PRKN: variants seen among roughly 807,000 people sequenced by gnomAD.
PRKN encodes the protein parkin RBR E3 ubiquitin protein ligase, also known as E3 ubiquitin-protein ligase parkin.
PRKN carries 56 observed loss-of-function variants against 59.5 expected under a neutral mutation model. The ratio of observed to expected loss-of-function variants is 0.94; its 90% CI spans 0.76 to 1.18. The LOEUF is 1.18. PRKN is among the 50% of genes most tolerant of loss of function. The probability of loss-of-function intolerance (pLI) is 0.00; values close to 1 mark genes in which losing one functional copy is unlikely to be tolerated. For synonymous variants in PRKN, 250 were observed against 222.1 expected, an observed-to-expected ratio of 1.13 and a Z score of -1.12; for missense variants, 657 against 596.4, an observed-to-expected ratio of 1.10 and a Z score of -1.06.
At chr6:162,651,285 T>G (rs1448104624) in intron 1 of PRKN, among the ~76,000 whole-genome samples, 1 of 152,224 alleles carries the variant, frequency 6.6e-6, no homozygotes, top group East Asian at 1.9e-4. Flanking sequence ...TACATTTTGA[T>G]GTACATCTTC....
chr6:162,460,448 T>C (rs1349030806), intron 1 of PRKN, among the ~76,000 whole-genome samples: 3 of 152,238 alleles, frequency 2.0e-5, no homozygotes, highest in Non-Finnish European at 4.4e-5. Context: ...ACTGTGGTGA[T>C]GGTTACAAAA....
intron 7 of PRKN, among the ~76,000 whole-genome samples, chr6:161,631,134 C>A (rs962578762): frequency 2.6e-5 from 4 of 152,164 alleles, no homozygotes; most frequent in African/African-American, 9.7e-5. Context: ...GGGGTGAGTA[C>A]ATCAGAATAA....
intron 5 of PRKN, among the ~76,000 whole-genome samples, chr6:162,029,750 T>C (rs901540049): frequency 2.6e-5 from 4 of 152,230 alleles, no homozygotes; most frequent in South Asian, 4.1e-4. Context: ...GTTGTTATCA[T>C]TGGAAGGTGT....
intron 1 of PRKN, among the ~76,000 whole-genome samples, chr6:162,457,146 G>T (rs956356838): frequency 1.3e-5 from 2 of 152,114 alleles, no homozygotes; most frequent in Non-Finnish European, 2.9e-5. Context: ...TACTGATTTT[G>T]GGGCAAGGAA....
intron 7 of PRKN, among the ~76,000 whole-genome samples, chr6:161,753,384 A>G (rs1788775509): frequency 1.3e-5 from 2 of 152,156 alleles, no homozygotes; most frequent in Non-Finnish European, 2.9e-5. Flanking sequence ...TGTCTTATCC[A>G]GTGGAATATC....
chr6:162,663,683 G>T (rs553218199), intron 1 of PRKN, among the ~76,000 whole-genome samples: 1 of 152,132 alleles, frequency 6.6e-6, no homozygotes, highest in African/African-American at 2.4e-5. Flanking sequence ...TTAGATTGGG[G>T]ATTAAGTGGG....
At chr6:162,204,683 A>G (rs1784859049) in intron 3 of PRKN, among the ~76,000 whole-genome samples, 1 of 151,206 alleles carries the variant, frequency 6.6e-6, no homozygotes, top group South Asian at 2.1e-4. Flanking sequence ...GATTTTGCAA[A>G]TAAAGTATGT....
chr6:161,447,955 T>C lies in PRKN; in HGVS notation c.1084-61078A>G, dbSNP rs1324116411. 6.6e-6 allele frequency among the ~76,000 whole-genome samples: 1 copy of C among 152,186 alleles called. No individual in the cohort carries two copies. The highest frequency in any genetic ancestry group is 1.5e-5 in the Non-Finnish European group (1 of 68,034). On this transcript the variant is annotated intron_variant, in intron 9 of 11. Coordinates refer to ENST00000366898, the MANE Select transcript of PRKN (RefSeq NM_004562.3). The surrounding 1 kb of genome is among the most constrained non-coding windows in gnomAD (Gnocchi z 4.1). ...TGCGTGACCACTGCTTCCTGATTTT[T>C]GTGTTGAGATCTTAGACCTTAACCA...
chr6:162,061,313 T>C (rs906894901), intron 4 of PRKN, among the ~76,000 whole-genome samples: 26 of 152,216 alleles, frequency 1.7e-4, no homozygotes, highest in Admixed American at 1.3e-3. Context: ...TGCTGGCACA[T>C]AGAGAGTTAA....
At chr6:161,828,269 C>T (rs117900828) in intron 6 of PRKN, among the ~76,000 whole-genome samples, 1 of 152,194 alleles carries the variant, frequency 6.6e-6, no homozygotes, top group African/African-American at 2.4e-5. Flanking sequence ...AACTATTTAG[C>T]TTAATAATTT....
chr6:162,213,321 G>A (rs923507153), intron 3 of PRKN, among the ~76,000 whole-genome samples: 1 of 152,132 alleles, frequency 6.6e-6, no homozygotes, highest in African/African-American at 2.4e-5. Context: ...ATCAAGACAA[G>A]CCTCCCTTTA....
At chr6:162,649,491 C>T (rs1444380211) in intron 1 of PRKN, among the ~76,000 whole-genome samples, 2 of 152,116 alleles carry the variant, frequency 1.3e-5, no homozygotes, top group South Asian at 2.1e-4. Context: ...CTCCCCCACA[C>T]GACCATGCAT....
Position 161,377,508 on chromosome 6 carries a change from C to T in PRKN, c.1167+9286G>A, listed in dbSNP as rs1002539655. On this transcript the variant is annotated intron_variant, in intron 10 of 11. Transcript: ENST00000366898. This position sits in a 1 kb window ranked among gnomAD's most constrained non-coding sequence, Gnocchi z 4.2. Reference sequence around the variant, plus strand: ...CGGCTGCAAGCCAAAAATGCACTGTCGCTATCCTGTAATCCTCTTTAGGGT... The same window carrying T: ...CGGCTGCAAGCCAAAAATGCACTGTTGCTATCCTGTAATCCTCTTTAGGGT... 3.9e-5 allele frequency among the ~76,000 whole-genome samples: 6 copies of T among 152,214 alleles called. No individual in the cohort carries two copies. Among genetic ancestry groups the T allele is most frequent in the Admixed American group, 6.5e-5 (1 of 15,280 alleles).
chr6:161,608,058 G>T (rs1782348080), intron 7 of PRKN, among the ~76,000 whole-genome samples: 2 of 152,162 alleles, frequency 1.3e-5, no homozygotes, highest in Non-Finnish European at 2.9e-5. Context: ...AGAAAAATCA[G>T]TGCAGAATAA....
chr6:161,612,086 A>G (rs948021696), intron 7 of PRKN, among the ~76,000 whole-genome samples: 1 of 152,238 alleles, frequency 6.6e-6, no homozygotes, highest in East Asian at 1.9e-4. Context: ...CTGCATAACA[A>G]AAGTTTGAAA....
At chr6:161,957,972 T>C (rs1780244336) in intron 6 of PRKN, among the ~76,000 whole-genome samples, 2 of 152,312 alleles carry the variant, frequency 1.3e-5, no homozygotes, top group East Asian at 1.9e-4. Flanking sequence ...ACAGAAATCA[T>C]TTCAGATTAA....
At chr6:161,947,147 T>A (rs1441430621) in intron 6 of PRKN, among the ~76,000 whole-genome samples, 2 of 152,216 alleles carry the variant, frequency 1.3e-5, no homozygotes, top group Non-Finnish European at 2.9e-5. Context: ...GTAAAATATA[T>A]AAGCTATATA....
intron 6 of PRKN, among the ~76,000 whole-genome samples, chr6:161,820,518 A>G (rs915745263): frequency 1.2e-4 from 18 of 147,814 alleles, no homozygotes; most frequent in African/African-American, 4.4e-4. Flanking sequence ...ATTTTTCATA[A>G]TTTAAAAAAT....
At chr6:162,539,964 C>T (rs1264136357) in intron 1 of PRKN, among the ~76,000 whole-genome samples, 1 of 152,152 alleles carries the variant, frequency 6.6e-6, no homozygotes, top group Non-Finnish European at 1.5e-5. Flanking sequence ...CCTCTGTCGC[C>T]CAGGCTAGAG....
Sources: gnomAD v4.1 joint callset for allele counts (sites outside exome capture counted in the v4.1 genomes callset) on GRCh38, gnomAD v4.1.1 for gene constraint, Gnocchi (gnomAD v3.1) non-coding constraint, MANE v1.5 for transcripts, NCBI Gene and HGNC (gene_info 2026-07-23, HGNC 2026-07-21) for gene names.